The following DBNDD1 variants were observed in gnomAD, a reference collection of about 807,000 sequenced individuals.
DBNDD1 encodes the protein dysbindin domain-containing protein 1.
Under a neutral mutation model 17.0 loss-of-function variants are expected in DBNDD1, and 14 were observed. The observed-to-expected ratio is 0.82, with a 90% confidence interval of 0.54 to 1.29. DBNDD1 has a LOEUF of 1.29. Ranked by LOEUF, DBNDD1 falls within the 50% of genes most tolerant of loss-of-function variation. DBNDD1 has a pLI of 0.00. For synonymous variants in DBNDD1, 105 were observed against 102.0 expected (o/e 1.03, Z -0.18); for missense variants, 221 against 216.2 (o/e 1.02, Z -0.14).
intron 1 of DBNDD1, chr16:90,011,785 G>C: frequency 2.5e-6 from 1 of 407,700 alleles, no homozygotes; most frequent in South Asian, 1.8e-5. Flanking sequence ...TCTCCGCCCA[G>C]AGGGCACAGG....
chr16:90,009,369 C>T lies in DBNDD1; in HGVS notation c.93G>A (p.Gly31=). ...CCTCCACAGGCGTGTGGCCATTGTC[C>T]CCTGTCCCCTGGGCTGGGACGCCCA... The part of the protein sequence containing the change: ...AALGVPAQGT[G]DNGHTPVEEE... The change falls in exon 2 of 4, where the codon GGG becomes GGA. Residue 31 remains glycine, a synonymous_variant. Transcript: ENST00000002501. 5.0e-6 allele frequency: 8 copies of T among 1,613,406 alleles called. No homozygotes were observed. Among genetic ancestry groups the T allele is most frequent in the Non-Finnish European group, 6.8e-6 (8 of 1,179,982 alleles).
intron 3 of DBNDD1, 159 bp from the exon 4 acceptor site, chr16:90,006,651 C>T: frequency 1.0e-6 from 1 of 955,730 alleles, no homozygotes; most frequent in Admixed American, 2.6e-5. Flanking sequence ...GGGAGGCCCC[C>T]ACCACACACT....
chr16:90,010,761 C>G (rs968253110), intron 1 of DBNDD1, among the ~76,000 whole-genome samples: 4 of 152,220 alleles, frequency 2.6e-5, no homozygotes, highest in Admixed American at 2.6e-4. Context: ...AGCCCCTCCT[C>G]AGCTGCTCAC....
chr16:90,012,783 C>T (rs1377177126), intron 1 of DBNDD1, among the ~76,000 whole-genome samples: 1 of 146,184 alleles, frequency 6.8e-6, no homozygotes, highest in East Asian at 2.0e-4. Context: ...GACAAGGTCT[C>T]ACTGTTGCCC....
intron 1 of DBNDD1, among the ~76,000 whole-genome samples, chr16:90,015,387 G>A (rs921272449): frequency 6.6e-6 from 1 of 152,164 alleles, no homozygotes; most frequent in Non-Finnish European, 1.5e-5. Flanking sequence ...AGCCTACTGT[G>A]TAATACATGC....
At position 90,009,333 on chromosome 16, in the gene DBNDD1, C is replaced by T. The variant is rs939853120; in HGVS notation, c.129G>A (p.Gly43=). ...NGHTPVEEEV[G]GIPVPAPGLL... is the part of the protein sequence containing the mutation. ...GCCCCGGTGCTGGTACTGGGATGCC[C>T]CCGACCTCCTCCTCCACAGGCGTGT... is the stretch of plus-strand genomic sequence containing the variant. Residue 43 remains glycine, a synonymous_variant, in exon 2 of 4, where the codon GGG becomes GGA. Coordinates refer to ENST00000002501, the MANE Select transcript of DBNDD1 (RefSeq NM_001042610.3). 4 of 1,613,566 alleles carry T rather than the reference C, an allele frequency of 2.5e-6. No individual in the cohort carries two copies. Among genetic ancestry groups the T allele is most frequent in the Admixed American group, 1.7e-5 (1 of 60,008 alleles).
At chr16:90,013,766 T>C (rs1015692206) in intron 1 of DBNDD1, among the ~76,000 whole-genome samples, 2 of 152,186 alleles carry the variant, frequency 1.3e-5, no homozygotes, top group Non-Finnish European at 2.9e-5. Context: ...TCTGGGGACA[T>C]GGCATAGACA....
intron 3 of DBNDD1, among the ~76,000 whole-genome samples, chr16:90,007,930 CCCA>C (rs2035462952): frequency 3.5e-5 from 5 of 144,434 alleles, no homozygotes; most frequent in African/African-American, 7.7e-5. Context: ...GGCCTCACCC[CCCA>C]AACACACCTC....
Position 90,006,241 on chromosome 16 carries a change from G to A in DBNDD1, c.*94C>T. ...AGGAGGTGACGGCTGGAGCCTCGTG[G>A]GCGGGTGAAGTGTGTCTGCTGGGTC... On this transcript the variant is annotated 3_prime_UTR_variant, in exon 4 of 4. Coordinates refer to ENST00000002501, the MANE Select transcript of DBNDD1 (RefSeq NM_001042610.3). 1.4e-6 allele frequency: 2 copies of A among 1,456,728 alleles called. No individual in the cohort carries two copies. The highest frequency in any genetic ancestry group is 1.4e-5 in the African/African-American group (1 of 71,796). The allele number at this position is 1,456,728 out of a possible 1,614,324, so 90.2% of individuals were successfully genotyped here.
intron 1 of DBNDD1, among the ~76,000 whole-genome samples, chr16:90,010,515 C>G (rs956887925): frequency 6.6e-6 from 1 of 151,358 alleles, no homozygotes; most frequent in African/African-American, 2.4e-5. Context: ...CTACAGGTGC[C>G]CGCCACCACA....
chr16:90,014,158 C>T (rs774011004), intron 1 of DBNDD1, among the ~76,000 whole-genome samples: 36 of 150,982 alleles, frequency 2.4e-4, no homozygotes, highest in African/African-American at 7.5e-4. Context: ...GATGGAGTCT[C>T]GCTCTGTCAC....
In DBNDD1 at chr16:90,006,257, C is replaced by T. The variant is rs2035420896; in HGVS notation, c.*78G>A. On this transcript the variant is annotated 3_prime_UTR_variant, in exon 4 of 4. Coordinates refer to ENST00000002501, the MANE Select transcript of DBNDD1 (RefSeq NM_001042610.3). ...AGCCTCGTGGGCGGGTGAAGTGTGTCTGCTGGGTCAGCACTGCCCAGATCT... is the reference window on the plus strand; with the variant it reads ...AGCCTCGTGGGCGGGTGAAGTGTGTTTGCTGGGTCAGCACTGCCCAGATCT... 1 of 1,498,714 alleles carries T rather than the reference C, an allele frequency of 6.7e-7. No individual in the cohort carries two copies. Among genetic ancestry groups the T allele is most frequent in the East Asian group, 2.4e-5 (1 of 41,322 alleles). 92.8% of individuals were successfully genotyped at this position (1,498,714 alleles called of 1,614,324 possible). A position where few individuals can be genotyped will look rare whatever the true frequency, so the allele number is the denominator to read the frequency against.
At chr16:90,011,276 T>A (rs2035550229) in intron 1 of DBNDD1, among the ~76,000 whole-genome samples, 1 of 152,154 alleles carries the variant, frequency 6.6e-6, no homozygotes, top group East Asian at 1.9e-4. Flanking sequence ...GGTGGGCCTG[T>A]CCTCCCCCGT....
chr16:90,009,230 T>C (rs2035501916), intron 2 of DBNDD1, 54 bp downstream of exon 2: 1 of 1,603,806 alleles, frequency 6.2e-7, no homozygotes. Flanking sequence ...CCTTGTCTCT[T>C]GGGGGAGCTC....
chr16:90,014,488 C>G (rs905852761), intron 1 of DBNDD1, among the ~76,000 whole-genome samples: 1 of 152,152 alleles, frequency 6.6e-6, no homozygotes, highest in East Asian at 1.9e-4. Context: ...AGTCTGCAGG[C>G]ACCCTCTGCT....
intron 1 of DBNDD1, among the ~76,000 whole-genome samples, chr16:90,013,676 T>A (rs183553409): frequency 3.8e-4 from 58 of 152,278 alleles, no homozygotes; most frequent in African/African-American, 1.4e-3. Flanking sequence ...AGTCCCCCTC[T>A]CACTGGGCGG....
At position 90,006,453 on chromosome 16, in the gene DBNDD1, G is replaced by C. The variant is rs1483241449; in HGVS notation, c.359C>G (p.Pro120Arg). The change falls in exon 4 of 4, where the codon CCT becomes CGT. Residue 120 changes from proline (P) to arginine (R), a missense_variant. Coordinates refer to ENST00000002501, the MANE Select transcript of DBNDD1 (RefSeq NM_001042610.3). ...PLPRAGYLRS[P>R]SWTRTRAEQS... is the part of the protein sequence containing the mutation. ...CTCAGCCCTTGTCCTCGTCCAGGAA[G>C]GGGAGCGCAGGTAGCCGGCCCGGGG... 6.2e-7 allele frequency: 1 copy of C among 1,600,946 alleles called. No homozygotes were observed. The highest frequency in any genetic ancestry group is 8.5e-7 in the Non-Finnish European group (1 of 1,179,784).
intron 1 of DBNDD1, chr16:90,011,736 C>T (rs900168610): frequency 2.2e-6 from 1 of 448,292 alleles, no homozygotes; most frequent in African/African-American, 2.0e-5. Context: ...GGTCAAGTTA[C>T]TGGTGTCCTG....
In DBNDD1 at chr16:90,008,909, A is replaced by T; in HGVS notation, c.194T>A (p.Val65Asp). ...VTERRQPLSS[V>D]SSLEVHFDLL... is the part of the protein sequence containing the mutation. ...GTCGAAGTGGACCTCCAGAGAGGAGACGCTGCTCAGAGGCTCTGAGGGCAG... is the reference window on the plus strand; with the variant it reads ...GTCGAAGTGGACCTCCAGAGAGGAGTCGCTGCTCAGAGGCTCTGAGGGCAG... Residue 65 changes from valine (V) to aspartate (D), a missense_variant, in exon 3 of 4, where the codon GTC (valine) becomes GAC (aspartate). Val to Asp is a radical substitution (Grantham distance 152). Transcript: ENST00000002501. 1 of 1,571,772 alleles carries T rather than the reference A, an allele frequency of 6.4e-7. No homozygotes were observed. Among genetic ancestry groups the T allele is most frequent in the Non-Finnish European group, 8.7e-7 (1 of 1,153,932 alleles).
Sources: allele counts gnomAD v4.1 joint callset (sites outside exome capture counted in the v4.1 genomes callset), GRCh38; gene constraint gnomAD v4.1.1; transcripts MANE v1.5; gene names NCBI Gene and HGNC (gene_info 2026-07-23, HGNC 2026-07-21).